Variants in TAFA1 observed in about 807,000 individuals in gnomAD.
TAFA1 encodes chemokine-like protein TAFA-1.
Under a neutral mutation model 18.5 loss-of-function variants are expected in TAFA1, and 4 were observed. That is an observed-to-expected ratio of 0.22 (90% confidence interval 0.11 to 0.49). The LOEUF (loss-of-function observed/expected upper bound fraction) is 0.49, where lower values mean the gene tolerates loss of function less well. Ranked by LOEUF, TAFA1 falls within the 20% of genes least tolerant of loss-of-function variation. TAFA1 has a pLI of 0.98. For synonymous variants in TAFA1, 56 were observed against 55.2 expected (o/e 1.01, Z -0.06); for missense variants, 147 against 169.0 (o/e 0.87, Z 0.72).
At chr3:68,191,929 A>C (rs889327012) in intron 2 of TAFA1, among the ~76,000 whole-genome samples, 53 of 151,954 alleles carry the variant, frequency 3.5e-4, no homozygotes, top group African/African-American at 1.2e-3. Context: ...TCAATGTTGA[A>C]TAAATTATTC....
intron 2 of TAFA1, among the ~76,000 whole-genome samples, chr3:68,125,957 G>A (rs1462938155): frequency 6.6e-6 from 1 of 152,112 alleles, no homozygotes; most frequent in African/African-American, 2.4e-5. Flanking sequence ...TGTTCCACAT[G>A]CTTCTCAGTG....
intron 2 of TAFA1, among the ~76,000 whole-genome samples, chr3:68,151,803 C>T (rs960656375): frequency 6.6e-6 from 1 of 152,152 alleles, no homozygotes; most frequent in Non-Finnish European, 1.5e-5. Context: ...CACATTCAAA[C>T]TATGGAACTG....
chr3:68,314,719 A>G (rs1214805286), intron 2 of TAFA1, among the ~76,000 whole-genome samples: 6 of 152,016 alleles, frequency 3.9e-5, no homozygotes, highest in Admixed American at 3.9e-4. Context: ...TTCTTTTTAC[A>G]TGTATAACCT....
At chr3:68,238,463 T>C (rs1191060730) in intron 2 of TAFA1, among the ~76,000 whole-genome samples, 1 of 152,246 alleles carries the variant, frequency 6.6e-6, no homozygotes, top group Non-Finnish European at 1.5e-5. Context: ...ACAGGTTTCC[T>C]TCAGCTAAAT....
chr3:68,101,687 G>A (rs948402911), intron 2 of TAFA1, among the ~76,000 whole-genome samples: 1 of 152,164 alleles, frequency 6.6e-6, no homozygotes, highest in African/African-American at 2.4e-5. Flanking sequence ...GACTGAGGCT[G>A]AGAAATGCAA....
intron 3 of TAFA1, among the ~76,000 whole-genome samples, chr3:68,502,416 ATACTATTTT>A (rs2072674040): frequency 6.6e-6 from 1 of 152,140 alleles, no homozygotes; most frequent in Non-Finnish European, 1.5e-5. Flanking sequence ...ATGCCCAAAT[ATACTATTTT>A]GGGCATTAAT....
chr3:68,319,858 A>G (rs2068670202), intron 2 of TAFA1, among the ~76,000 whole-genome samples: 1 of 152,226 alleles, frequency 6.6e-6, no homozygotes, highest in African/African-American at 2.4e-5. Flanking sequence ...CTACTTTATC[A>G]TACTGAGCTA....
intron 2 of TAFA1, among the ~76,000 whole-genome samples, chr3:68,048,394 A>C (rs1391372404): frequency 6.6e-6 from 1 of 152,122 alleles, no homozygotes; most frequent in Non-Finnish European, 1.5e-5. Context: ...AATGCATAAT[A>C]ATCACATCAG....
chr3:68,126,453 CTT>C (rs926714928), intron 2 of TAFA1, among the ~76,000 whole-genome samples: 7 of 152,234 alleles, frequency 4.6e-5, no homozygotes, highest in African/African-American at 1.7e-4. Context: ...TTACATCTAT[CTT>C]TGGTCCTGGC....
intron 2 of TAFA1, among the ~76,000 whole-genome samples, chr3:68,092,074 A>C (rs1335560361): frequency 6.6e-6 from 1 of 152,088 alleles, no homozygotes; most frequent in Non-Finnish European, 1.5e-5. Context: ...CATAAGCCCA[A>C]ATTCTGTAAT....
chr3:68,453,200 C>A (rs1320824449), intron 3 of TAFA1, among the ~76,000 whole-genome samples: 1 of 152,086 alleles, frequency 6.6e-6, no homozygotes, highest in Non-Finnish European at 1.5e-5. Context: ...AGAGGTAGTG[C>A]CCCAAACCCT....
intron 2 of TAFA1, among the ~76,000 whole-genome samples, chr3:68,122,072 C>A (rs1256643989): frequency 6.6e-6 from 1 of 152,060 alleles, no homozygotes; most frequent in African/African-American, 2.4e-5. Flanking sequence ...CTTTTTAACT[C>A]CATTTTACCA....
chr3:68,395,033 T>C (rs1255494461), intron 2 of TAFA1, among the ~76,000 whole-genome samples: 2 of 152,046 alleles, frequency 1.3e-5, no homozygotes, highest in Non-Finnish European at 2.9e-5. Flanking sequence ...GGGAGAAAAT[T>C]TTTGCAATAT....
intron 2 of TAFA1, among the ~76,000 whole-genome samples, chr3:68,266,235 A>G (rs1263311281): frequency 6.6e-6 from 1 of 152,268 alleles, no homozygotes; most frequent in Non-Finnish European, 1.5e-5. Flanking sequence ...GCTTTTACAC[A>G]CTGTAATAAA....
intron 2 of TAFA1, among the ~76,000 whole-genome samples, chr3:68,378,801 C>T (rs575922118): frequency 5.9e-5 from 9 of 152,158 alleles, no homozygotes; most frequent in South Asian, 2.1e-4. Flanking sequence ...CTGATTGTTT[C>T]GTTTCGTAAG....
chr3:68,312,209 G>A (rs1407458553), intron 2 of TAFA1, among the ~76,000 whole-genome samples: 6 of 152,034 alleles, frequency 3.9e-5, no homozygotes, highest in Non-Finnish European at 7.4e-5. Flanking sequence ...CTAGGCCTTC[G>A]GGCCTGTGAT....
chr3:68,120,261 CTTTT>C (rs869279777), intron 2 of TAFA1, among the ~76,000 whole-genome samples: 2 of 88,240 alleles, frequency 2.3e-5, no homozygotes, highest in African/African-American at 8.5e-5. Context: ...TTCTTTCTTT[CTTTT>C]TTGAGACAGA....
At chr3:68,325,299 G>T (rs1559617919) in intron 2 of TAFA1, among the ~76,000 whole-genome samples, 1 of 152,136 alleles carries the variant, frequency 6.6e-6, no homozygotes, top group Non-Finnish European at 1.5e-5. Flanking sequence ...GGGAGCCCGA[G>T]TTAAGAGCCA....
chr3:68,370,431 C>CAT (rs1262257178), intron 2 of TAFA1, among the ~76,000 whole-genome samples: 2 of 76,708 alleles, frequency 2.6e-5, no homozygotes, highest in Non-Finnish European at 4.8e-5. Context: ...CACACACACA[C>CAT]ATATATATAC....
Sources: gnomAD v4.1 joint callset for allele counts (sites outside exome capture counted in the v4.1 genomes callset) on GRCh38, gnomAD v4.1.1 for gene constraint, MANE v1.5 for transcripts, NCBI Gene and HGNC (gene_info 2026-07-23, HGNC 2026-07-21) for gene names.